Variants in SYT7 observed in about 807,000 individuals in gnomAD.
The protein encoded by SYT7 is synaptotagmin 7, also known as synaptotagmin-7.
In SYT7, 29 loss-of-function variants were observed where a neutral mutation model predicts 75.1. The observed-to-expected ratio is 0.39, with a 90% CI of 0.29 to 0.53. The LOEUF is 0.53. Ranked by LOEUF, SYT7 falls within the 20% of genes least tolerant of loss-of-function variation. The pLI, the probability that SYT7 is intolerant of heterozygous loss-of-function variation, is 0.77. For synonymous variants in SYT7, 376 were observed against 401.7 expected (o/e 0.94, Z 0.76); for missense variants, 693 against 953.2 (o/e 0.73, Z 3.59).
rs78794874 is a variant in SYT7, at chr11:61,570,990, C to T, written c.31+9800G>A. 3.3e-5 allele frequency among the ~76,000 whole-genome samples: 5 copies of T among 152,292 alleles called. No homozygotes were observed. In the East Asian group the frequency reaches 5.8e-4, roughly 18 times the overall value. ...TCGAATTTTCCCAACAGCCCCATGA[C>T]GGTGCTATTATTCCCTCCATTTTAC... On this transcript the variant is annotated intron_variant, in intron 1 of 12. Coordinates refer to ENST00000539008, the MANE Select transcript of SYT7 (RefSeq NM_001365809.2).
intron 7 of SYT7, among the ~76,000 whole-genome samples, chr11:61,533,855 C>T (rs747779040): frequency 6.6e-6 from 1 of 152,130 alleles, no homozygotes; most frequent in Admixed American, 6.5e-5. Context: ...GGTGAGCCTA[C>T]ACCCCCTTGC....
intron 1 of SYT7, among the ~76,000 whole-genome samples, chr11:61,574,729 C>A (rs2135444783): frequency 6.6e-6 from 1 of 152,030 alleles, no homozygotes; most frequent in East Asian, 2.0e-4. Flanking sequence ...TTGAGGGGGC[C>A]CTCCCGGGCC....
rs888848315 is a variant in SYT7, at chr11:61,542,773, G to A, written c.573-194C>T. ...TCGCCCAGGAGGCTGCAAAGCCCTC[G>A]CGCCCACCCTGAGGCCCCAGGCCGG... On this transcript the variant is annotated intron_variant, in intron 5 of 12. Coordinates refer to ENST00000539008, the MANE Select transcript of SYT7 (RefSeq NM_001365809.2). The surrounding 1 kb of genome is among the most constrained non-coding windows in gnomAD (Gnocchi z 7.8). Among the ~76,000 whole-genome samples the A allele has an allele frequency of 5.9e-5, 9 of 152,176 alleles. No individual in the cohort carries two copies. The highest frequency in any genetic ancestry group is 1.0e-4 in the Non-Finnish European group (7 of 68,014).
intron 9 of SYT7, chr11:61,525,664 G>T (rs2062493135): frequency 6.6e-6 from 1 of 152,070 alleles, no homozygotes; most frequent in African/African-American, 2.4e-5. Context: ...CTCCCGGAAG[G>T]CAAGGATTCC....
intron 8 of SYT7, 151 bp downstream of exon 8, chr11:61,532,838 A>C: frequency 8.3e-7 from 1 of 1,209,188 alleles, no homozygotes; most frequent in Non-Finnish European, 1.1e-6. Context: ...AGTGGCCACC[A>C]TGCTGGGCCT....
intron 1 of SYT7, among the ~76,000 whole-genome samples, chr11:61,564,694 G>A (rs1312513232): frequency 3.3e-5 from 5 of 152,130 alleles, no homozygotes; most frequent in African/African-American, 1.2e-4. Flanking sequence ...AACCTGAGTG[G>A]ACACAAACGA....
the SYT7 span, among the ~76,000 whole-genome samples, chr11:61,586,426 T>C: frequency 4.6e-5 from 7 of 152,330 alleles, no homozygotes; most frequent in East Asian, 1.3e-3. Flanking sequence ...TGGGATGCAC[T>C]GTGGAAGCAC....
At position 61,515,014 on chromosome 11, in the gene SYT7, C is replaced by T. The variant is rs748788761; in HGVS notation, c.*3613G>A. On this transcript the variant is annotated 3_prime_UTR_variant, in exon 13 of 13. Transcript: ENST00000539008. ...GGGAGGGGACGTCAGGCTGGGTGAC[C>T]CTGGAGGGCACCCCTGAGGCCTAGA... Among the ~76,000 whole-genome samples, 1 of 152,138 alleles carries T rather than the reference C, an allele frequency of 6.6e-6. No individual in the cohort carries two copies. The highest frequency in any genetic ancestry group is 1.5e-5 in the Non-Finnish European group (1 of 68,020).
upstream of SYT7, among the ~76,000 whole-genome samples, chr11:61,581,618 G>C (rs1322839516): frequency 6.6e-6 from 1 of 152,242 alleles, no homozygotes. Context: ...GCTGAGCCTG[G>C]GTCCGCCAGT....
chr11:61,579,111 CCAGGCCAGTGGCCTAA>C (rs2064164879), intron 1 of SYT7, among the ~76,000 whole-genome samples: 2 of 152,220 alleles, frequency 1.3e-5, no homozygotes, highest in South Asian at 4.2e-4. Flanking sequence ...GGGCACAGCC[CCAGGCCAGTGGCCTAA>C]CAGGCCAGAG....
Position 61,523,706 on chromosome 11 carries a change from G to T in SYT7, c.1756+121C>A. ...TCTAGGGTAAGGAGTGAGGACTGGA[G>T]GTCGGGGTGTGGCGGGTTGGGGTGA... On this transcript the variant is annotated intron_variant, in intron 11 of 12. Coordinates refer to ENST00000539008, the MANE Select transcript of SYT7 (RefSeq NM_001365809.2). This position sits in a 1 kb window ranked among gnomAD's most constrained non-coding sequence, Gnocchi z 5.0. 1 of 1,043,208 alleles carries T rather than the reference G, an allele frequency of 9.6e-7. No homozygotes were observed. The highest frequency in any genetic ancestry group is 1.5e-6 in the Non-Finnish European group (1 of 688,900). 64.6% of individuals were successfully genotyped at this position (1,043,208 alleles called of 1,614,324 possible). A position where few individuals can be genotyped will look rare whatever the true frequency, so the allele number is the denominator to read the frequency against.
At chr11:61,541,031 G>A (rs896721090) in intron 6 of SYT7, 7 of 985,416 alleles carry the variant, frequency 7.1e-6, no homozygotes, top group South Asian at 9.4e-5. Flanking sequence ...CCACTCGCAC[G>A]GGTATGGGAA....
In SYT7 at chr11:61,523,722, G is replaced by C; in HGVS notation, c.1756+105C>G. The C allele has an allele frequency of 8.3e-7, 1 of 1,211,812 alleles. No individual in the cohort carries two copies. Among genetic ancestry groups the C allele is most frequent in the Admixed American group, 1.8e-5 (1 of 55,798 alleles). The allele number at this position is 1,211,812 out of a possible 1,614,324, so 75.1% of individuals were successfully genotyped here. On this transcript the variant is annotated intron_variant, in intron 11 of 12. Transcript: ENST00000539008. The surrounding 1 kb of genome is among the most constrained non-coding windows in gnomAD (Gnocchi z 5.0). Reference sequence around the variant, plus strand: ...AGGACTGGAGGTCGGGGTGTGGCGGGTTGGGGTGAGGACCACTGCAGACCC... The same window carrying C: ...AGGACTGGAGGTCGGGGTGTGGCGGCTTGGGGTGAGGACCACTGCAGACCC...
Position 61,533,031 on chromosome 11 carries a change from G to A in SYT7, c.1158C>T (p.Ser386=), listed in dbSNP as rs780901098. 110 of 1,613,576 alleles carry A rather than the reference G, an allele frequency of 6.8e-5. No individual in the cohort carries two copies. Among genetic ancestry groups the A allele is most frequent in the Non-Finnish European group, 8.6e-5 (102 of 1,180,030 alleles). Reference sequence around the variant, plus strand: ...TGAGGGAGTTGACGAGGTCTGAGACGGAGGAACGTGGCTCGGTCCGGCGGT... The same window carrying A: ...TGAGGGAGTTGACGAGGTCTGAGACAGAGGAACGTGGCTCGGTCCGGCGGT... ...ESDRRTEPRS[S]VSDLVNSLTS... Residue 386 remains serine (S), a synonymous_variant, in exon 8 of 13, where the codon TCC becomes TCT. Coordinates refer to ENST00000539008, the MANE Select transcript of SYT7 (RefSeq NM_001365809.2).
At chr11:61,566,693 G>A (rs1215626139) in intron 1 of SYT7, among the ~76,000 whole-genome samples, 8 of 152,316 alleles carry the variant, frequency 5.3e-5, no homozygotes, top group Non-Finnish European at 8.8e-5. Flanking sequence ...GATCAGGGAC[G>A]TGTGATGATT....
At chr11:61,519,785 A>G (rs2062255663) in intron 12 of SYT7, among the ~76,000 whole-genome samples, 1 of 152,154 alleles carries the variant, frequency 6.6e-6, no homozygotes, top group Admixed American at 6.5e-5. Context: ...ACTTTTCTGT[A>G]AATCTAAAAT....
Position 61,523,889 on chromosome 11 carries a change from G to A in SYT7, c.1694C>T (p.Ser565Phe). The stretch of plus-strand genomic sequence containing the variant: ...GGCTTTGATGATGTTCACGATGATG[G>A]AGTTGGCAGAGGGGTTGTAGCAGAG... Reference protein sequence around the residue: ...LSLCYNPSANSIIVNIIKARN... With the variant: ...LSLCYNPSANFIIVNIIKARN... The change falls in exon 11 of 13, where the codon TCC (serine) becomes TTC (phenylalanine). Residue 565 changes from serine to phenylalanine, a missense_variant. This residue lies in a region of SYT7 where 206 missense variants were observed against 360.0 expected (regional missense o/e 0.57). Coordinates refer to ENST00000539008, the MANE Select transcript of SYT7 (RefSeq NM_001365809.2). The surrounding 1 kb of genome is among the most constrained non-coding windows in gnomAD (Gnocchi z 5.0). 1 of 1,614,068 alleles carries A rather than the reference G, an allele frequency of 6.2e-7. No individual in the cohort carries two copies. The highest frequency in any genetic ancestry group is 8.5e-7 in the Non-Finnish European group (1 of 1,179,978).
intron 8 of SYT7, among the ~76,000 whole-genome samples, chr11:61,529,938 A>T (rs2062651958): frequency 6.6e-6 from 1 of 151,872 alleles, no homozygotes; most frequent in African/African-American, 2.4e-5. Context: ...CCGGCCTCAC[A>T]CTCACAGCAG....
rs374353706 is a variant in SYT7 at position 61,522,962 on chromosome 11, C to A, written c.1956+113G>T. The A allele has an allele frequency of 2.9e-4, 309 of 1,069,654 alleles. 1 individual carries two copies. In the African/African-American group the frequency reaches 4.3e-3, roughly 15 times the overall value. 66.3% of individuals were successfully genotyped at this position (1,069,654 alleles called of 1,614,324 possible). A position where few individuals can be genotyped will look rare whatever the true frequency, so the allele number is the denominator to read the frequency against. On this transcript the variant is annotated intron_variant, in intron 12 of 12. Transcript: ENST00000539008. ...GGCCTGAGAGGAGAGGAGACTGATC[C>A]CAATCTCTCCTGGTGTCCAGCCTGT... is the stretch of plus-strand genomic sequence containing the variant.
Sources: gnomAD v4.1 joint callset for allele counts (sites outside exome capture counted in the v4.1 genomes callset) on GRCh38, gnomAD v4.1.1 for gene constraint, gnomAD v4.1.1 regional missense constraint, Gnocchi (gnomAD v3.1) non-coding constraint, MANE v1.5 for transcripts, NCBI Gene and HGNC (gene_info 2026-07-23, HGNC 2026-07-21) for gene names.